CNOT6: variants seen among roughly 807,000 people sequenced by gnomAD.
CNOT6 encodes CCR4-NOT transcription complex subunit 6, also known as carbon catabolite repression 4 protein.
A neutral mutation model predicts 61.2 loss-of-function variants in CNOT6; 12 were observed. The observed-to-expected ratio is 0.20, with a 90% CI of 0.13 to 0.32. CNOT6 has a LOEUF of 0.32. CNOT6 is among the 10% of genes least tolerant of loss of function. The pLI is 1.00. For synonymous variants in CNOT6, 225 were observed against 240.6 expected (o/e 0.94, Z 0.60); for missense variants, 405 against 663.9 (o/e 0.61, Z 4.28).
intron 1 of CNOT6, among the ~76,000 whole-genome samples, chr5:180,497,694 C>A (rs915089394): frequency 1.3e-5 from 2 of 152,168 alleles, no homozygotes; most frequent in Non-Finnish European, 2.9e-5. Context: ...ACCCATTACT[C>A]ATACAGTCAT....
At chr5:180,552,603 A>C (rs949186382) in intron 3 of CNOT6, among the ~76,000 whole-genome samples, 1 of 151,160 alleles carries the variant, frequency 6.6e-6, no homozygotes, top group African/African-American at 2.4e-5. Context: ...CCGAGATCGC[A>C]TCACTGCACT....
rs760647664 is a variant in CNOT6 at position 180,578,205 on chromosome 5, T to C, written c.*4005T>C. 1 of 152,662 alleles carries C rather than the reference T, an allele frequency of 6.6e-6. No individual in the cohort carries two copies. The highest frequency in any genetic ancestry group is 1.5e-5 in the Non-Finnish European group (1 of 68,038). The allele number at this position is 152,662 out of a possible 1,614,324, so 9.5% of individuals were successfully genotyped here. On this transcript the variant is annotated 3_prime_UTR_variant, in exon 12 of 12. Transcript: ENST00000261951. The stretch of plus-strand genomic sequence containing the variant: ...CACTCATATCTTTGCCAAAGTTCAA[T>C]TTTATATTTAGGCAACTGATGGTCC...
intron 4 of CNOT6, among the ~76,000 whole-genome samples, chr5:180,558,745 A>C (rs1475857317): frequency 1.3e-5 from 2 of 152,086 alleles, no homozygotes; most frequent in Non-Finnish European, 2.9e-5. Context: ...CTGCTTTAGA[A>C]GCTATGTCCA....
Position 180,578,107 on chromosome 5 carries a change from AGGGGGAC to A in CNOT6, c.*3912_*3918del, listed in dbSNP as rs1440257226. 1 of 152,636 alleles carries A rather than the reference AGGGGGAC, an allele frequency of 6.6e-6. No homozygotes were observed. The highest frequency in any genetic ancestry group is 1.9e-4 in the East Asian group (1 of 5,200). 9.5% of individuals were successfully genotyped at this position (152,636 alleles called of 1,614,324 possible). A position where few individuals can be genotyped will look rare whatever the true frequency, so the allele number is the denominator to read the frequency against. On this transcript the variant is annotated 3_prime_UTR_variant, in exon 12 of 12. Transcript: ENST00000261951. The stretch of plus-strand genomic sequence containing the variant: ...CTCAGCCTTCCAAAGGGAAGAGTGC[AGGGGGAC>A]GGGGCCATGATATGGGGAAATGGTG...
chr5:180,532,840 C>T (rs144980173), intron 2 of CNOT6, among the ~76,000 whole-genome samples: 4 of 152,298 alleles, frequency 2.6e-5, no homozygotes, highest in Non-Finnish European at 5.9e-5. Flanking sequence ...CATCTACTTA[C>T]GTTTACCAGT....
intron 1 of CNOT6, among the ~76,000 whole-genome samples, chr5:180,507,406 C>T (rs1757175007): frequency 6.6e-6 from 1 of 152,108 alleles, no homozygotes; most frequent in Non-Finnish European, 1.5e-5. Flanking sequence ...TCGAGACTAG[C>T]CTGGCCAACC....
chr5:180,540,803 C>A (rs11956294), intron 2 of CNOT6, among the ~76,000 whole-genome samples: 70,033 of 151,972 alleles, frequency 0.46, 17,292 homozygotes, highest in Non-Finnish European at 0.56. Context: ...TGTTATTTCT[C>A]CATATGGTGT....
chr5:180,494,472 A>G lies in CNOT6; in HGVS notation c.-294A>G, dbSNP rs1461406774. On this transcript the variant is annotated 5_prime_UTR_variant, in exon 1 of 12. Coordinates refer to ENST00000261951, the MANE Select transcript of CNOT6 (RefSeq NM_001370472.1). Reference sequence around the variant, plus strand: ...GGCGGCGGCGTCGGTGGCGGCGGCGACGGCGGCGCGGAGGCGAAGGCAGCG... The same window carrying G: ...GGCGGCGGCGTCGGTGGCGGCGGCGGCGGCGGCGCGGAGGCGAAGGCAGCG... 5 of 152,324 alleles carry G rather than the reference A, an allele frequency of 3.3e-5. No homozygotes were observed. The highest frequency in any genetic ancestry group is 2.0e-4 in the East Asian group (1 of 5,054). 9.4% of individuals were successfully genotyped at this position (152,324 alleles called of 1,614,324 possible). A position where few individuals can be genotyped will look rare whatever the true frequency, so the allele number is the denominator to read the frequency against.
chr5:180,520,898 G>T (rs1395811677), intron 1 of CNOT6, among the ~76,000 whole-genome samples: 1 of 150,650 alleles, frequency 6.6e-6, no homozygotes, highest in African/African-American at 2.4e-5. Flanking sequence ...AGGCTGGAGT[G>T]CAGTGGCGCA....
intron 1 of CNOT6, among the ~76,000 whole-genome samples, chr5:180,524,387 A>G (rs1758004152): frequency 6.6e-6 from 1 of 152,014 alleles, no homozygotes; most frequent in South Asian, 2.1e-4. Flanking sequence ...TCCCAGAAAA[A>G]TGGATTGGGT....
rs1197893792 is a variant in CNOT6, at chr5:180,577,299, A to T, written c.*3099A>T. On this transcript the variant is annotated 3_prime_UTR_variant, in exon 12 of 12. Transcript: ENST00000261951. ...GGATGGAATGCACTTCTAAATGTTT[A>T]AATTAAAATTTCAAAGCTCTTTCGA... The T allele has an allele frequency of 6.6e-6, 1 of 152,514 alleles. No individual in the cohort carries two copies. The highest frequency in any genetic ancestry group is 1.5e-5 in the Non-Finnish European group (1 of 68,018). 9.4% of individuals were successfully genotyped at this position (152,514 alleles called of 1,614,324 possible).
chr5:180,517,841 CG>C (rs1364702533), intron 1 of CNOT6, among the ~76,000 whole-genome samples: 3 of 152,204 alleles, frequency 2.0e-5, no homozygotes, highest in African/African-American at 7.2e-5. Context: ...TGCGCCTGGC[CG>C]AGTAGACCTT....
chr5:180,542,351 G>C (rs1759092051), intron 2 of CNOT6, among the ~76,000 whole-genome samples: 1 of 151,326 alleles, frequency 6.6e-6, no homozygotes, highest in Non-Finnish European at 1.5e-5. Context: ...CGCAAGCTCT[G>C]CCTCCTGGGT....
At chr5:180,556,027 A>G (rs1759869304) in intron 4 of CNOT6, among the ~76,000 whole-genome samples, 2 of 152,162 alleles carry the variant, frequency 1.3e-5, no homozygotes, top group South Asian at 2.1e-4. Flanking sequence ...GTAGATTCAC[A>G]TGCACTTACA....
intron 1 of CNOT6, among the ~76,000 whole-genome samples, chr5:180,523,496 G>A (rs753977505): frequency 9.2e-5 from 14 of 152,108 alleles, no homozygotes; most frequent in Non-Finnish European, 7.4e-5. Flanking sequence ...ATAGACCAGA[G>A]GCTCTCCCCC....
chr5:180,517,052 C>T (rs1366107335), intron 1 of CNOT6, among the ~76,000 whole-genome samples: 5 of 152,240 alleles, frequency 3.3e-5, no homozygotes, highest in Admixed American at 6.5e-5. Flanking sequence ...ACCTTATGAT[C>T]AGAAAGTAAT....
intron 1 of CNOT6, among the ~76,000 whole-genome samples, chr5:180,514,553 A>T (rs1458636051): frequency 6.6e-6 from 1 of 152,252 alleles, no homozygotes; most frequent in Admixed American, 6.5e-5. Context: ...CAATTAGAAG[A>T]GGCCATTGTA....
intron 10 of CNOT6, among the ~76,000 whole-genome samples, chr5:180,570,895 C>T (rs142553751): frequency 1.3e-3 from 194 of 152,232 alleles, no homozygotes; most frequent in African/African-American, 4.5e-3. Context: ...AGATGCTGAT[C>T]GTGGTGTTAT....
intron 2 of CNOT6, among the ~76,000 whole-genome samples, chr5:180,545,712 C>A (rs969559805): frequency 3.9e-5 from 6 of 152,058 alleles, no homozygotes; most frequent in Admixed American, 3.3e-4. Context: ...ACTTTTATTT[C>A]CTAAAAAATG....
Sources: gnomAD v4.1 joint callset for allele counts (sites outside exome capture counted in the v4.1 genomes callset) on GRCh38, gnomAD v4.1.1 for gene constraint, MANE v1.5 for transcripts, NCBI Gene and HGNC (gene_info 2026-07-23, HGNC 2026-07-21) for gene names.